The following TMEM132D variants were observed in gnomAD, a reference collection of about 807,000 sequenced individuals.
TMEM132D encodes transmembrane protein 132D, also known as mature OL transmembrane protein.
In TMEM132D, 21 loss-of-function variants were observed where a neutral mutation model predicts 62.3. The observed-to-expected ratio is 0.34, with a 90% confidence interval of 0.24 to 0.49. The LOEUF (loss-of-function observed/expected upper bound fraction) is 0.49, where lower values mean the gene tolerates loss of function less well. Among genes scored for constraint, TMEM132D ranks in the 20% least tolerant of loss-of-function variants. TMEM132D has a pLI of 0.99. For missense variants in TMEM132D, 1,346 were observed against 1,402.8 expected (o/e 0.96, Z 0.65); for synonymous variants, 621 against 575.6 (o/e 1.08, Z -1.13).
intron 1 of TMEM132D, among the ~76,000 whole-genome samples, chr12:129,752,559 G>C (rs1565973767): frequency 6.6e-6 from 1 of 152,208 alleles, no homozygotes; most frequent in Non-Finnish European, 1.5e-5. Context: ...TTCATCCAGA[G>C]GGTTTTACCT....
chr12:129,082,495 G>A (rs1874486183), intron 6 of TMEM132D, among the ~76,000 whole-genome samples: 1 of 152,150 alleles, frequency 6.6e-6, no homozygotes, highest in Non-Finnish European at 1.5e-5. Flanking sequence ...CCAAGCTGTA[G>A]AGATTTCCAC....
chr12:129,624,115 C>A (rs541168210), intron 2 of TMEM132D, among the ~76,000 whole-genome samples: 1 of 152,232 alleles, frequency 6.6e-6, no homozygotes, highest in South Asian at 2.1e-4. Flanking sequence ...GCTGGGAAAA[C>A]TATAGAGCAG....
chr12:129,895,961 CTCTTTTT>C (rs1875104666), intron 1 of TMEM132D, among the ~76,000 whole-genome samples: 1 of 99,804 alleles, frequency 1.0e-5, no homozygotes, highest in Non-Finnish European at 2.2e-5. Flanking sequence ...TTCTCTGTCT[CTCTTTTT>C]TTTTTTTTTT....
intron 1 of TMEM132D, among the ~76,000 whole-genome samples, chr12:129,728,011 A>G (rs914189200): frequency 2.6e-5 from 4 of 152,160 alleles, no homozygotes; most frequent in African/African-American, 7.2e-5. Flanking sequence ...TTTCTCTACC[A>G]GGTCCATTAT....
intron 1 of TMEM132D, among the ~76,000 whole-genome samples, chr12:129,706,149 T>C (rs1881502092): frequency 6.6e-6 from 1 of 152,004 alleles, no homozygotes; most frequent in African/African-American, 2.4e-5. Context: ...TGATATTATA[T>C]ATAAGTGGCT....
chr12:129,747,567 C>T (rs1869842750), intron 1 of TMEM132D, among the ~76,000 whole-genome samples: 1 of 150,806 alleles, frequency 6.6e-6, no homozygotes, highest in Non-Finnish European at 1.5e-5. Flanking sequence ...CACACACTTT[C>T]AGACACACAC....
intron 3 of TMEM132D, among the ~76,000 whole-genome samples, chr12:129,410,323 C>A (rs918820759): frequency 3.3e-5 from 5 of 151,456 alleles, no homozygotes; most frequent in African/African-American, 1.2e-4. Flanking sequence ...ATACTCGAGA[C>A]TGGGTAATTT....
intron 5 of TMEM132D, among the ~76,000 whole-genome samples, chr12:129,186,103 G>C (rs1252641074): frequency 6.6e-6 from 1 of 152,136 alleles, no homozygotes; most frequent in African/African-American, 2.4e-5. Context: ...CCTTCCATTA[G>C]GAGCCTCTGA....
intron 2 of TMEM132D, among the ~76,000 whole-genome samples, chr12:129,653,097 C>T (rs1179470285): frequency 3.9e-5 from 6 of 152,190 alleles, no homozygotes; most frequent in Admixed American, 1.3e-4. Flanking sequence ...GGTGTTGAAG[C>T]TAGCCCAACC....
chr12:129,489,505 C>G (rs900968474), intron 3 of TMEM132D, among the ~76,000 whole-genome samples: 4 of 152,202 alleles, frequency 2.6e-5, no homozygotes, highest in African/African-American at 9.7e-5. Flanking sequence ...ATAAAGAATA[C>G]TTGCATACAT....
chr12:129,436,799 A>G (rs908199362), intron 3 of TMEM132D, among the ~76,000 whole-genome samples: 2 of 152,300 alleles, frequency 1.3e-5, no homozygotes, highest in South Asian at 4.1e-4. Flanking sequence ...TACCGACATA[A>G]AAATGAACTT....
intron 3 of TMEM132D, among the ~76,000 whole-genome samples, chr12:129,450,852 G>A (rs1873259451): frequency 6.6e-6 from 1 of 150,456 alleles, no homozygotes; most frequent in South Asian, 2.1e-4. Flanking sequence ...TGCCTCTCGG[G>A]TTCAAGCAAT....
At chr12:129,846,555 A>C (rs112866711) in intron 1 of TMEM132D, among the ~76,000 whole-genome samples, 11 of 152,228 alleles carry the variant, frequency 7.2e-5, no homozygotes, top group African/African-American at 2.6e-4. Flanking sequence ...TCTTTTTAGC[A>C]AGTCCGTTAT....
chr12:129,685,168 G>A (rs1440244325), intron 2 of TMEM132D, among the ~76,000 whole-genome samples: 5 of 152,106 alleles, frequency 3.3e-5, no homozygotes, highest in East Asian at 1.9e-4. Context: ...CCTAAGTAAC[G>A]GGGAGCCAAA....
chr12:129,170,184 C>T (rs999131190), intron 5 of TMEM132D: 18 of 152,214 alleles, frequency 1.2e-4, no homozygotes, highest in African/African-American at 4.3e-4. Flanking sequence ...GAGCTGTTCC[C>T]ACATGCTCTT....
intron 1 of TMEM132D, among the ~76,000 whole-genome samples, chr12:129,855,172 TCCGGGGG>T (rs1873694176): frequency 1.3e-5 from 1 of 79,876 alleles, no homozygotes; most frequent in Admixed American, 1.3e-4. Flanking sequence ...TATAACAGAG[TCCGGGGG>T]AACGGGATGG....
intron 5 of TMEM132D, among the ~76,000 whole-genome samples, chr12:129,172,400 G>A (rs553413231): frequency 6.6e-6 from 1 of 152,318 alleles, no homozygotes; most frequent in African/African-American, 2.4e-5. Context: ...TAATTTCCTT[G>A]AAGAAGTTTT....
At chr12:129,560,951 G>A (rs998352181) in intron 2 of TMEM132D, among the ~76,000 whole-genome samples, 2 of 152,184 alleles carry the variant, frequency 1.3e-5, no homozygotes, top group Non-Finnish European at 2.9e-5. Context: ...CAGTGATGGA[G>A]AAGTATGAAC....
intron 2 of TMEM132D, among the ~76,000 whole-genome samples, chr12:129,658,419 TCTTA>T (rs1167857528): frequency 1.3e-5 from 2 of 152,214 alleles, no homozygotes; most frequent in African/African-American, 2.4e-5. Flanking sequence ...CCTGTAAACT[TCTTA>T]CTTAGTTTTG....
Sources: gnomAD v4.1 joint callset for allele counts (sites outside exome capture counted in the v4.1 genomes callset) on GRCh38, gnomAD v4.1.1 for gene constraint, MANE v1.5 for transcripts, NCBI Gene and HGNC (gene_info 2026-07-23, HGNC 2026-07-21) for gene names.